ANO7: variants seen among roughly 807,000 people sequenced by gnomAD.
ANO7 encodes anoctamin-7.
In ANO7, 114 loss-of-function variants were observed where a neutral mutation model predicts 115.8. That is an observed-to-expected ratio of 0.98 (90% confidence interval 0.85 to 1.15). The LOEUF (loss-of-function observed/expected upper bound fraction) is 1.15. Among genes scored for constraint, ANO7 ranks in the 50% most tolerant of loss-of-function variants. The pLI is 0.00. For missense variants in ANO7, 1,302 were observed against 1,201.2 expected (o/e 1.08, Z -1.24); for synonymous variants, 550 against 498.2 (o/e 1.10, Z -1.38).
intron 3 of ANO7, 115 bp downstream of exon 3, chr2:241,191,366 G>A: frequency 7.5e-7 from 1 of 1,335,126 alleles, no homozygotes; most frequent in Admixed American, 2.0e-5. Flanking sequence ...CCACTCTGGG[G>A]CCAGTTGCTT....
At chr2:241,197,225 G>A (rs919110447) in intron 4 of ANO7, among the ~76,000 whole-genome samples, 28 of 152,106 alleles carry the variant, frequency 1.8e-4, no homozygotes, top group African/African-American at 4.8e-5. Flanking sequence ...TCAGTTTCTC[G>A]AGTACCTGAG....
chr2:241,199,296 G>A lies in ANO7; in HGVS notation c.310-20G>A, dbSNP rs375775978. On this transcript the variant is annotated intron_variant, in intron 4 of 24. Coordinates refer to ENST00000674324, the MANE Select transcript of ANO7 (RefSeq NM_001370694.2). ...CACACATGCACCCTCAGGCTCTCAC[G>A]GAGCCCTGGGTGCCTACAGCAGGAC... 32 of 1,609,554 alleles carry A rather than the reference G, an allele frequency of 2.0e-5. No individual in the cohort carries two copies. Among genetic ancestry groups the A allele is most frequent in the Non-Finnish European group, 2.6e-5 (31 of 1,176,552 alleles).
chr2:241,235,004 ACCT>A, the ANO7 span: 1 of 1,281,652 alleles, frequency 7.8e-7, no homozygotes, highest in Non-Finnish European at 1.1e-6. Context: ...CCTGCATCTC[ACCT>A]CCAGCCAGAT....
chr2:241,190,063 G>T lies in ANO7; in HGVS notation c.-1G>T, dbSNP rs1373965006. 2 of 1,571,434 alleles carry T rather than the reference G, an allele frequency of 1.3e-6. No individual in the cohort carries two copies. Among genetic ancestry groups the T allele is most frequent in the South Asian group, 2.3e-5 (2 of 85,412 alleles). ...CCGGCCTTGCTGGGTGCAGGAGCAG[G>T]ATGCTGCGGCGACGGGCCCAGGAAG... On this transcript the variant is annotated 5_prime_UTR_variant, in exon 2 of 25. Transcript: ENST00000674324.
the ANO7 span, among the ~76,000 whole-genome samples, chr2:241,238,075 C>CT: frequency 6.6e-6 from 1 of 152,226 alleles, no homozygotes; most frequent in South Asian, 2.1e-4. The surrounding 1 kb of genome is among the most constrained non-coding windows in gnomAD (Gnocchi z 4.9). Flanking sequence ...GAGGGCATAC[C>CT]TTTTGTTTCA....
rs1387625406 is a variant in ANO7, at chr2:241,218,355, C to T, written c.2295C>T (p.Phe765=). Residue 765 remains phenylalanine, a synonymous_variant, in exon 21 of 25, where the codon TTC becomes TTT. Transcript: ENST00000674324. ...CGCTGGCGCGAGCCCCGTCCTCCTT[C>T]GCCGCCGCGCACAACCGCACGTGCA... ...NFTLARAPSS[F]AAAHNRTCRY... The T allele has an allele frequency of 2.7e-6, 4 of 1,473,304 alleles. No homozygotes were observed. The highest frequency in any genetic ancestry group is 3.6e-6 in the Non-Finnish European group (4 of 1,115,394). 91.3% of individuals were successfully genotyped at this position (1,473,304 alleles called of 1,614,324 possible).
chr2:241,195,860 T>C lies in ANO7; in HGVS notation c.309+15T>C, dbSNP rs1057380108. 1.2e-6 allele frequency: 2 copies of C among 1,614,066 alleles called. No homozygotes were observed. The highest frequency in any genetic ancestry group is 2.7e-5 in the African/African-American group (2 of 74,930). Reference sequence around the variant, plus strand: ...GTGTAGACCAGGTACGTGGAGGCTGTCATGGGCAGGGCCCTAGGCCCTGCA... The same window carrying C: ...GTGTAGACCAGGTACGTGGAGGCTGCCATGGGCAGGGCCCTAGGCCCTGCA... On this transcript the variant is annotated intron_variant, in intron 4 of 24. Transcript: ENST00000674324.
intron 11 of ANO7, among the ~76,000 whole-genome samples, chr2:241,209,066 G>A (rs1289358040): frequency 3.3e-5 from 5 of 152,222 alleles, no homozygotes; most frequent in African/African-American, 9.7e-5. Context: ...GGAGAATGGC[G>A]TGAACCCGGG....
the ANO7 span, chr2:241,236,457 G>T: frequency 1.4e-6 from 1 of 728,380 alleles, no homozygotes; most frequent in Non-Finnish European, 2.3e-6. Context: ...GTGTCCAGCC[G>T]AGAAGCACAG....
chr2:241,236,432 G>T, the ANO7 span: 1 of 632,886 alleles, frequency 1.6e-6, no homozygotes, highest in Non-Finnish European at 2.8e-6. Context: ...AAGGGAAGTG[G>T]CCTCCCCAAA....
At chr2:241,226,180 T>C (rs2069165673), downstream of ANO7, among the ~76,000 whole-genome samples, 1 of 151,926 alleles carries the variant, frequency 6.6e-6, no homozygotes, top group Non-Finnish European at 1.5e-5. Flanking sequence ...ACCCTGCCTG[T>C]GACCCTTTCC....
the ANO7 span, chr2:241,238,920 G>T: frequency 1.2e-5 from 8 of 670,646 alleles, no homozygotes; most frequent in Admixed American, 2.9e-5. This position sits in a 1 kb window ranked among gnomAD's most constrained non-coding sequence, Gnocchi z 4.9. Context: ...CCCTTCTCCC[G>T]AGTCCAGGGC....
chr2:241,203,384 C>T lies in ANO7; in HGVS notation c.775C>T (p.Arg259Cys), dbSNP rs368075617. 36 of 1,600,382 alleles carry T rather than the reference C, an allele frequency of 2.2e-5. No homozygotes were observed. Among genetic ancestry groups the T allele is most frequent in the Admixed American group, 3.4e-5 (2 of 58,692 alleles). ...CCCGCAGGCTCCACGCCTCAACCAG[C>T]GCCAAGTCCTTTTCCAGCACTGGGC... ...EGPQAPRLNQRQVLFQHWARW... is the reference protein window; with the variant it reads ...EGPQAPRLNQCQVLFQHWARW... The change falls in exon 9 of 25, where the codon CGC (arginine) becomes TGC (cysteine). Residue 259 changes from arginine (R) to cysteine (C), a missense_variant. Physicochemically the swap from Arg to Cys is radical, Grantham distance 180. Coordinates refer to ENST00000674324, the MANE Select transcript of ANO7 (RefSeq NM_001370694.2). This position sits in a 1 kb window ranked among gnomAD's most constrained non-coding sequence, Gnocchi z 4.8.
At chr2:241,196,315 T>G in intron 4 of ANO7, 1 of 416,552 alleles carries the variant, frequency 2.4e-6, no homozygotes, top group Non-Finnish European at 3.3e-6. Context: ...GAACTAGGCG[T>G]GAGGATGCTG....
intron 11 of ANO7, among the ~76,000 whole-genome samples, chr2:241,208,204 A>G (rs1452442949): frequency 6.6e-6 from 1 of 152,120 alleles, no homozygotes; most frequent in Non-Finnish European, 1.5e-5. Flanking sequence ...ACGCCGTTTG[A>G]CCTCACTTCT....
At chr2:241,219,304 C>G (rs1028170508) in intron 21 of ANO7, among the ~76,000 whole-genome samples, 2 of 152,044 alleles carry the variant, frequency 1.3e-5, no homozygotes, top group African/African-American at 2.4e-5. Flanking sequence ...CTTTTCATAT[C>G]GGTCTCTCTC....
chr2:241,212,104 C>T lies in ANO7; in HGVS notation c.1572C>T (p.Arg524=), dbSNP rs1246381644. The T allele has an allele frequency of 6.2e-7, 1 of 1,614,024 alleles. No homozygotes were observed. Among genetic ancestry groups the T allele is most frequent in the South Asian group, 1.1e-5 (1 of 91,080 alleles). The change falls in exon 16 of 25, where the codon CGC becomes CGT. Residue 524 remains arginine, a synonymous_variant. Coordinates refer to ENST00000674324, the MANE Select transcript of ANO7 (RefSeq NM_001370694.2). ...CTCTCCATGCCACAGAAATGCACCG[C>T]ACCCAGACCAAGTTCGAGGACGCCT... ...AHVLTRWEMH[R]TQTKFEDAFT... is the part of the protein sequence containing the mutation.
the ANO7 span, among the ~76,000 whole-genome samples, chr2:241,234,413 A>G: frequency 6.6e-6 from 1 of 152,196 alleles, no homozygotes; most frequent in Non-Finnish European, 1.5e-5. Context: ...TACAGGTATG[A>G]CCTGGCTGCA....
chr2:241,213,711 G>A lies in ANO7; in HGVS notation c.1728+1085G>A, dbSNP rs185073467. On this transcript the variant is annotated intron_variant, in intron 17 of 24. Coordinates refer to ENST00000674324, the MANE Select transcript of ANO7 (RefSeq NM_001370694.2). ...ACAGGTGGCCTCTGGGCTGGGCTGG[G>A]ACCTAAGTGGACCCCTGCTGAGTGA... is the stretch of plus-strand genomic sequence containing the variant. Among the ~76,000 whole-genome samples the A allele has an allele frequency of 1.2e-4, 19 of 152,332 alleles. No individual in the cohort carries two copies. The East Asian group carries it at 3.3e-3, about 26-fold the overall frequency.
Sources: allele counts gnomAD v4.1 joint callset (sites outside exome capture counted in the v4.1 genomes callset), GRCh38; gene constraint gnomAD v4.1.1; non-coding constraint Gnocchi (gnomAD v3.1); transcripts MANE v1.5; gene names NCBI Gene and HGNC (gene_info 2026-07-23, HGNC 2026-07-21).